GPC5: variants seen among roughly 807,000 people sequenced by gnomAD.
GPC5 encodes the protein glypican-5.
Under a neutral mutation model 53.9 loss-of-function variants are expected in GPC5, and 47 were observed. The ratio of observed to expected loss-of-function variants is 0.87; its 90% confidence interval spans 0.69 to 1.11. The LOEUF (loss-of-function observed/expected upper bound fraction) is 1.11, where lower values mean the gene tolerates loss of function less well. Among genes scored for constraint, GPC5 ranks in the 50% most tolerant of loss-of-function variants. The probability of loss-of-function intolerance (pLI) is 0.00; values close to 1 mark genes in which losing one functional copy is unlikely to be tolerated. For synonymous variants in GPC5, 286 were observed against 263.3 expected (o/e 1.09, Z -0.84); for missense variants, 748 against 713.1 (o/e 1.05, Z -0.56).
chr13:92,290,876 G>A (rs2042989366), intron 7 of GPC5, among the ~76,000 whole-genome samples: 1 of 152,168 alleles, frequency 6.6e-6, no homozygotes, highest in African/African-American at 2.4e-5. Flanking sequence ...TAGCTTGCGG[G>A]GAGGTGTGGA....
intron 7 of GPC5, among the ~76,000 whole-genome samples, chr13:92,427,206 TAAG>T (rs1190162721): frequency 6.6e-6 from 1 of 151,500 alleles, no homozygotes; most frequent in Non-Finnish European, 1.5e-5. Context: ...AGTTGGAAGC[TAAG>T]AAGGAGATTT....
intron 7 of GPC5, among the ~76,000 whole-genome samples, chr13:92,814,771 A>C (rs1437137564): frequency 6.6e-6 from 1 of 151,998 alleles, no homozygotes; most frequent in Non-Finnish European, 1.5e-5. Flanking sequence ...GATGATGGTG[A>C]TATTATCATG....
chr13:91,449,126 CTG>C (rs1324046167), intron 2 of GPC5, among the ~76,000 whole-genome samples: 2 of 151,998 alleles, frequency 1.3e-5, no homozygotes, highest in African/African-American at 4.8e-5. Context: ...ATTGGGGAAA[CTG>C]AGTTGGACTG....
At chr13:92,464,954 A>T (rs1878633934) in intron 7 of GPC5, among the ~76,000 whole-genome samples, 1 of 151,926 alleles carries the variant, frequency 6.6e-6, no homozygotes, top group African/African-American at 2.4e-5. Context: ...TACATATTAA[A>T]ACTAAACATA....
chr13:91,433,916 C>T (rs1433610778), intron 1 of GPC5, among the ~76,000 whole-genome samples: 2 of 152,098 alleles, frequency 1.3e-5, no homozygotes, highest in African/African-American at 4.8e-5. Flanking sequence ...GATGGTATCT[C>T]ATTGTGGTTT....
intron 7 of GPC5, among the ~76,000 whole-genome samples, chr13:92,466,191 T>TGTAC: frequency 6.6e-6 from 1 of 151,324 alleles, no homozygotes; most frequent in East Asian, 1.9e-4. Context: ...TAATTAAAAA[T>TGTAC]ATAAATATAG....
intron 6 of GPC5, among the ~76,000 whole-genome samples, chr13:91,962,307 T>C (rs554376038): frequency 2.0e-5 from 3 of 152,288 alleles, no homozygotes; most frequent in Admixed American, 6.5e-5. Context: ...TACAGAATTT[T>C]ATTGGAGAAA....
Position 91,452,392 on chromosome 13 carries a change from C to G in GPC5, c.325+3470C>G, listed in dbSNP as rs7333439. 6.9e-3 allele frequency among the ~76,000 whole-genome samples: 1,043 copies of G among 152,220 alleles called. 10 individuals are homozygous for G. The highest frequency in any genetic ancestry group is 0.023 in the African/African-American group (970 of 41,540). On this transcript the variant is annotated intron_variant, in intron 2 of 7. Transcript: ENST00000377067. ...AGGGCAGAAAAAGAAAACTGCTACCCTTATGTCAGTTGCTGTTCATAAATA... is the reference window on the plus strand; with the variant it reads ...AGGGCAGAAAAAGAAAACTGCTACCGTTATGTCAGTTGCTGTTCATAAATA...
At chr13:91,773,995 A>G (rs543318117) in intron 5 of GPC5, among the ~76,000 whole-genome samples, 1 of 152,316 alleles carries the variant, frequency 6.6e-6, no homozygotes, top group South Asian at 2.1e-4. Flanking sequence ...TGGGATTCCT[A>G]ATTAGCAATT....
intron 7 of GPC5, among the ~76,000 whole-genome samples, chr13:92,146,909 G>C (rs917230835): frequency 6.6e-6 from 1 of 151,836 alleles, no homozygotes; most frequent in African/African-American, 2.4e-5. Flanking sequence ...TCCACTCATT[G>C]ATTGATGGGC....
At chr13:92,117,642 T>C (rs1461001451) in intron 6 of GPC5, among the ~76,000 whole-genome samples, 1 of 152,170 alleles carries the variant, frequency 6.6e-6, no homozygotes, top group Non-Finnish European at 1.5e-5. Flanking sequence ...CTTCTATTAA[T>C]GTTATAATTT....
At chr13:92,275,544 A>G (rs1002886501) in intron 7 of GPC5, among the ~76,000 whole-genome samples, 17 of 152,276 alleles carry the variant, frequency 1.1e-4, no homozygotes, top group South Asian at 2.1e-4. Context: ...GAGTAATTCT[A>G]TAATAAAATA....
chr13:91,677,515 C>A (rs1274814463), intron 2 of GPC5, among the ~76,000 whole-genome samples: 1 of 152,074 alleles, frequency 6.6e-6, no homozygotes, highest in East Asian at 1.9e-4. Flanking sequence ...TAGACGAGAA[C>A]CTCAAGTCCC....
At chr13:92,333,085 T>C (rs1420899162) in intron 7 of GPC5, among the ~76,000 whole-genome samples, 1 of 152,150 alleles carries the variant, frequency 6.6e-6, no homozygotes, top group Non-Finnish European at 1.5e-5. Context: ...GAATGAGTAC[T>C]GGGGTTGTAA....
intron 3 of GPC5, among the ~76,000 whole-genome samples, chr13:91,711,897 A>T (rs1178260110): frequency 6.6e-6 from 1 of 152,180 alleles, no homozygotes; most frequent in Non-Finnish European, 1.5e-5. Flanking sequence ...TGGCTAGGCC[A>T]TTGGCAGCTG....
intron 7 of GPC5, among the ~76,000 whole-genome samples, chr13:92,285,273 C>A (rs1455675888): frequency 6.6e-6 from 1 of 152,172 alleles, no homozygotes; most frequent in African/African-American, 2.4e-5. Flanking sequence ...ATTCCATGCT[C>A]ATGGATAGGA....
intron 2 of GPC5, among the ~76,000 whole-genome samples, chr13:91,487,248 C>T (rs1042233055): frequency 5.3e-5 from 8 of 151,990 alleles, no homozygotes; most frequent in Non-Finnish European, 1.0e-4. Context: ...CTCTTCTTCA[C>T]GGGGAGTGGG....
At chr13:91,969,871 G>T (rs1286572087) in intron 6 of GPC5, among the ~76,000 whole-genome samples, 5 of 152,150 alleles carry the variant, frequency 3.3e-5, no homozygotes, top group Non-Finnish European at 7.4e-5. Context: ...AGGATTACAA[G>T]TGTTGGTGAG....
rs145375078 is a variant in GPC5, at chr13:92,359,489, T to C, written c.1561+214500T>C. 6.1e-3 allele frequency among the ~76,000 whole-genome samples: 927 copies of C among 151,854 alleles called. 43 individuals carry two copies. The highest frequency in any genetic ancestry group is 0.022 in the African/African-American group (887 of 41,122). ...CAGTCCCAAACGTGCATCCACATTT[T>C]CAGATGTCTTTATAGAAATACCCCA... On this transcript the variant is annotated intron_variant, in intron 7 of 7. Transcript: ENST00000377067.
Sources: gnomAD v4.1 joint callset for allele counts (sites outside exome capture counted in the v4.1 genomes callset) on GRCh38, gnomAD v4.1.1 for gene constraint, MANE v1.5 for transcripts, NCBI Gene and HGNC (gene_info 2026-07-23, HGNC 2026-07-21) for gene names.